MAML3: variants seen among roughly 807,000 people sequenced by gnomAD.
MAML3 encodes the protein mastermind-like protein 3.
MAML3 carries 27 observed loss-of-function variants against 101.9 expected under a neutral mutation model. That is an observed-to-expected ratio of 0.27 (90% CI 0.20 to 0.37). The LOEUF (loss-of-function observed/expected upper bound fraction) is 0.37, where lower values mean the gene tolerates loss of function less well. Among genes scored for constraint, MAML3 ranks in the 10% least tolerant of loss-of-function variants. The pLI is 1.00. For synonymous variants in MAML3, 501 were observed against 555.9 expected (o/e 0.90, Z 1.39); for missense variants, 1,316 against 1,444.9 (o/e 0.91, Z 1.45).
At chr4:140,012,752 T>C (rs1726582622) in intron 1 of MAML3, among the ~76,000 whole-genome samples, 1 of 152,198 alleles carries the variant, frequency 6.6e-6, no homozygotes, top group South Asian at 2.1e-4. Flanking sequence ...CTCTCCTTCA[T>C]CCTGAGTCTA....
intron 2 of MAML3, among the ~76,000 whole-genome samples, chr4:139,772,313 G>A (rs1330986131): frequency 6.9e-6 from 1 of 145,950 alleles, no homozygotes; most frequent in Non-Finnish European, 1.5e-5. Context: ...TGCTTTCCTA[G>A]TTCACAGATA....
At chr4:140,103,530 C>T (rs1379397497) in intron 1 of MAML3, among the ~76,000 whole-genome samples, 1 of 152,160 alleles carries the variant, frequency 6.6e-6, no homozygotes, top group African/African-American at 2.4e-5. Flanking sequence ...TGAGAAAGGG[C>T]TGAGGTTCTT....
intron 4 of MAML3, 102 bp from the exon 5 acceptor site, chr4:139,720,425 A>C (rs1728189421): frequency 4.9e-6 from 5 of 1,023,528 alleles, no homozygotes; most frequent in Non-Finnish European, 6.8e-6. Flanking sequence ...ATTCCTTTAT[A>C]TGAAAGGATC....
chr4:140,082,187 ACAGT>A (rs1204797768), intron 1 of MAML3, among the ~76,000 whole-genome samples: 2 of 152,208 alleles, frequency 1.3e-5, no homozygotes, highest in African/African-American at 4.8e-5. Context: ...TGCCTCTTTC[ACAGT>A]CAAAGGGTTC....
At chr4:139,828,731 T>TAAA (rs1229224315) in intron 2 of MAML3, among the ~76,000 whole-genome samples, 2,165 of 77,072 alleles carry the variant, frequency 0.028, 22 homozygotes, top group Middle Eastern at 0.12. Flanking sequence ...TTTTTTTTTT[T>TAAA]TAAAAACATA....
At chr4:140,070,637 G>T (rs771230541) in intron 1 of MAML3, among the ~76,000 whole-genome samples, 1 of 152,144 alleles carries the variant, frequency 6.6e-6, no homozygotes, top group Non-Finnish European at 1.5e-5. Flanking sequence ...AAAACTCCTC[G>T]AAATACTACA....
intron 2 of MAML3, among the ~76,000 whole-genome samples, chr4:139,872,629 GC>G (rs948327136): frequency 2.0e-5 from 3 of 152,196 alleles, no homozygotes; most frequent in Non-Finnish European, 4.4e-5. Flanking sequence ...AAGATGTAAT[GC>G]CTTTCCGGGT....
intron 1 of MAML3, among the ~76,000 whole-genome samples, chr4:140,003,650 T>C (rs550247800): frequency 1.3e-5 from 2 of 152,190 alleles, no homozygotes; most frequent in Non-Finnish European, 2.9e-5. Context: ...GTGAGGATAA[T>C]AACATTTTGC....
At chr4:140,128,597 C>G (rs974040262) in intron 1 of MAML3, among the ~76,000 whole-genome samples, 5 of 152,112 alleles carry the variant, frequency 3.3e-5, no homozygotes, top group South Asian at 2.1e-4. Context: ...GGAAAGCACT[C>G]TGTGTGTCAA....
chr4:139,901,882 T>C (rs540568600), intron 1 of MAML3, among the ~76,000 whole-genome samples: 8 of 152,200 alleles, frequency 5.3e-5, no homozygotes. Flanking sequence ...TTCTTTTCAA[T>C]AAGGAATTCT....
At chr4:139,891,082 A>G (rs1039245195) in intron 1 of MAML3, 115 bp from the exon 2 acceptor site, 1 of 1,204,298 alleles carries the variant, frequency 8.3e-7, no homozygotes, top group Non-Finnish European at 1.1e-6. Context: ...ACACACAGGA[A>G]AGAAGTCATA....
intron 1 of MAML3, among the ~76,000 whole-genome samples, chr4:140,149,357 G>A (rs1729117601): frequency 6.6e-6 from 1 of 152,154 alleles, no homozygotes; most frequent in African/African-American, 2.4e-5. Flanking sequence ...GGGCTGGTGA[G>A]GACTCACACA....
intron 2 of MAML3, among the ~76,000 whole-genome samples, chr4:139,844,732 G>A (rs2111148772): frequency 6.6e-6 from 1 of 152,298 alleles, no homozygotes; most frequent in South Asian, 2.1e-4. Flanking sequence ...ATATAGGGAT[G>A]GTGGGCAGCT....
chr4:139,979,986 G>C (rs541180843), intron 1 of MAML3, among the ~76,000 whole-genome samples: 24 of 152,194 alleles, frequency 1.6e-4, no homozygotes, highest in Non-Finnish European at 2.2e-4. Flanking sequence ...GACAGTCTCA[G>C]GGCTTGACTG....
intron 1 of MAML3, among the ~76,000 whole-genome samples, chr4:140,013,578 T>C (rs1205267679): frequency 6.6e-6 from 1 of 152,242 alleles, no homozygotes; most frequent in Non-Finnish European, 1.5e-5. Context: ...TAAATGCATT[T>C]TTCCATGTAT....
intron 2 of MAML3, among the ~76,000 whole-genome samples, chr4:139,802,346 T>C (rs1282406749): frequency 6.6e-6 from 1 of 152,156 alleles, no homozygotes; most frequent in East Asian, 1.9e-4. Flanking sequence ...ACTGTGTTCC[T>C]TTCTCTCTTT....
intron 2 of MAML3, among the ~76,000 whole-genome samples, chr4:139,828,900 G>C (rs143079076): frequency 0.01 from 1,580 of 151,914 alleles, 29 homozygotes; most frequent in African/African-American, 0.036. Context: ...TTGAGCCCAG[G>C]AGGTGGAGGT....
intron 2 of MAML3, among the ~76,000 whole-genome samples, chr4:139,758,970 T>G (rs1039313293): frequency 1.3e-5 from 2 of 152,232 alleles, no homozygotes; most frequent in Non-Finnish European, 2.9e-5. Context: ...AGACATTTTG[T>G]TAGATGTTTG....
At chr4:140,041,269 A>T (rs1008239082) in intron 1 of MAML3, among the ~76,000 whole-genome samples, 1 of 152,130 alleles carries the variant, frequency 6.6e-6, no homozygotes, top group Non-Finnish European at 1.5e-5. Flanking sequence ...TGCCTTTGCT[A>T]GCTCAGACTT....
Sources: allele counts gnomAD v4.1 joint callset (sites outside exome capture counted in the v4.1 genomes callset), GRCh38; gene constraint gnomAD v4.1.1; transcripts MANE v1.5; gene names NCBI Gene and HGNC (gene_info 2026-07-23, HGNC 2026-07-21).